The following AGMO variants were observed in gnomAD, a reference collection of about 807,000 sequenced individuals.
The protein encoded by AGMO is alkylglycerol monooxygenase.
A neutral mutation model predicts 60.2 loss-of-function variants in AGMO; 75 were observed. The observed-to-expected ratio is 1.25, with a 90% confidence interval of 1.03 to 1.51. The LOEUF (loss-of-function observed/expected upper bound fraction) is 1.51. Ranked by LOEUF, AGMO falls within the 40% of genes most tolerant of loss-of-function variation. The pLI is 0.00. For missense variants in AGMO, 763 were observed against 525.5 expected, an observed-to-expected ratio of 1.45 and a Z score of -4.42; for synonymous variants, 261 against 177.1, an observed-to-expected ratio of 1.47 and a Z score of -3.76.
chr7:15,458,421 G>T (rs867234670), intron 3 of AGMO, among the ~76,000 whole-genome samples: 4 of 152,172 alleles, frequency 2.6e-5, no homozygotes, highest in Middle Eastern at 3.2e-3. Context: ...GGAGTGGTGT[G>T]ACTTGCTTTC....
intron 12 of AGMO, among the ~76,000 whole-genome samples, chr7:15,224,376 T>C (rs1387008361): frequency 6.6e-6 from 1 of 151,902 alleles, no homozygotes; most frequent in Non-Finnish European, 1.5e-5. Flanking sequence ...ATGGGATGAA[T>C]GTACTTATAG....
At chr7:15,226,627 C>G (rs955272101) in intron 12 of AGMO, among the ~76,000 whole-genome samples, 4 of 152,042 alleles carry the variant, frequency 2.6e-5, no homozygotes, top group Admixed American at 1.3e-4. Context: ...GAAATACTCT[C>G]TCTGCATAAG....
chr7:15,429,607 C>T (rs1401137770), intron 4 of AGMO, among the ~76,000 whole-genome samples: 2 of 151,884 alleles, frequency 1.3e-5, no homozygotes, highest in Non-Finnish European at 2.9e-5. Flanking sequence ...CTTATGGCAG[C>T]TCTAGAAAAA....
At chr7:15,318,191 A>G (rs1780998872) in intron 12 of AGMO, among the ~76,000 whole-genome samples, 1 of 151,722 alleles carries the variant, frequency 6.6e-6, no homozygotes, top group South Asian at 2.1e-4. Flanking sequence ...TTTTTAGTAG[A>G]GACGGGTTTC....
intron 12 of AGMO, among the ~76,000 whole-genome samples, chr7:15,365,272 C>G (rs1189600587): frequency 6.6e-6 from 1 of 150,468 alleles, no homozygotes; most frequent in Non-Finnish European, 1.5e-5. Context: ...TGTAATGTGT[C>G]CAACAACTCT....
At chr7:15,229,304 T>C (rs1245070611) in intron 12 of AGMO, among the ~76,000 whole-genome samples, 2 of 152,032 alleles carry the variant, frequency 1.3e-5, no homozygotes, top group Non-Finnish European at 2.9e-5. Flanking sequence ...GTTCAATTTA[T>C]GAAATTTCTT....
intron 12 of AGMO, among the ~76,000 whole-genome samples, chr7:15,229,729 TTA>T (rs970069481): frequency 7.4e-6 from 1 of 135,172 alleles, no homozygotes; most frequent in African/African-American, 3.0e-5. Context: ...TATATATAAA[TTA>T]TATATTATAA....
intron 12 of AGMO, among the ~76,000 whole-genome samples, chr7:15,229,721 T>C (rs1265273680): frequency 1.1e-4 from 13 of 121,358 alleles, no homozygotes; most frequent in Non-Finnish European, 1.7e-4. Context: ...TATTATATTA[T>C]ATATAAATTA....
chr7:15,379,600 G>C (rs150779673), intron 10 of AGMO, among the ~76,000 whole-genome samples: 2 of 151,914 alleles, frequency 1.3e-5, no homozygotes, highest in African/African-American at 4.8e-5. Context: ...CTAAAATTGA[G>C]GCAGTAACAA....
intron 12 of AGMO, among the ~76,000 whole-genome samples, chr7:15,257,326 C>A (rs1583335005): frequency 6.6e-6 from 1 of 152,048 alleles, no homozygotes; most frequent in East Asian, 1.9e-4. Context: ...TTGATACCTA[C>A]TATGGACATA....
At chr7:15,306,169 T>A (rs1220217213) in intron 12 of AGMO, 2 of 189,252 alleles carry the variant, frequency 1.1e-5, no homozygotes, top group Non-Finnish European at 2.2e-5. Context: ...TCACATCACA[T>A]TGTACTCATC....
At chr7:15,407,413 G>A (rs1449671233) in intron 5 of AGMO, among the ~76,000 whole-genome samples, 1 of 151,394 alleles carries the variant, frequency 6.6e-6, no homozygotes, top group Non-Finnish European at 1.5e-5. Context: ...TTAAAGATGG[G>A]CTTCAAGAGA....
chr7:15,501,255 A>G (rs1421776275), intron 3 of AGMO, among the ~76,000 whole-genome samples: 2 of 152,020 alleles, frequency 1.3e-5, no homozygotes, highest in Middle Eastern at 3.4e-3. Context: ...ATCTGCCTTC[A>G]TTATCTGTCT....
At chr7:15,448,220 G>C (rs939767412) in intron 3 of AGMO, among the ~76,000 whole-genome samples, 2 of 152,140 alleles carry the variant, frequency 1.3e-5, no homozygotes, top group African/African-American at 4.8e-5. Context: ...TTTGCAGATG[G>C]GGCATTTTGG....
intron 12 of AGMO, among the ~76,000 whole-genome samples, chr7:15,238,216 T>A (rs772995408): frequency 2.0e-5 from 3 of 152,074 alleles, no homozygotes; most frequent in Non-Finnish European, 4.4e-5. Flanking sequence ...TCTGTGGCAA[T>A]TTTTCTTTTT....
rs186555763 is a variant in AGMO, at chr7:15,387,847, C to T, written c.823-307G>A. Among the ~76,000 whole-genome samples the T allele has an allele frequency of 7.6e-3, 1,157 of 151,686 alleles. 5 individuals carry two copies. Among genetic ancestry groups the T allele is most frequent in the Non-Finnish European group, 0.011 (733 of 67,954 alleles). ...AAAAATGAGTTAAGAGGCTTTGCTT[C>T]CAATGGAATTAACTAGCACCCTGTG... On this transcript the variant is annotated intron_variant, in intron 8 of 12. Coordinates refer to ENST00000342526, the MANE Select transcript of AGMO (RefSeq NM_001004320.2).
intron 3 of AGMO, among the ~76,000 whole-genome samples, chr7:15,480,562 C>T (rs1583596164): frequency 6.6e-6 from 1 of 152,076 alleles, no homozygotes; most frequent in African/African-American, 2.4e-5. Flanking sequence ...TGTAAATTGT[C>T]CTGATGTTGC....
At chr7:15,339,226 C>A in intron 12 of AGMO, among the ~76,000 whole-genome samples, 1 of 152,080 alleles carries the variant, frequency 6.6e-6, no homozygotes, top group Non-Finnish European at 1.5e-5. Flanking sequence ...TGCTGAGGGG[C>A]CTGCAAAAAT....
chr7:15,399,378 G>C (rs933956065), intron 5 of AGMO, among the ~76,000 whole-genome samples: 3 of 152,046 alleles, frequency 2.0e-5, no homozygotes, highest in African/African-American at 7.2e-5. Flanking sequence ...GAGTTGACTA[G>C]GTTATTTCCT....
Sources: allele counts gnomAD v4.1 joint callset (sites outside exome capture counted in the v4.1 genomes callset), GRCh38; gene constraint gnomAD v4.1.1; transcripts MANE v1.5; gene names NCBI Gene and HGNC (gene_info 2026-07-23, HGNC 2026-07-21).